PTN: variants seen among roughly 807,000 people sequenced by gnomAD.
The protein encoded by PTN is heparin affin regulatory protein.
Under a neutral mutation model 24.1 loss-of-function variants are expected in PTN, and 18 were observed. That is an observed-to-expected ratio of 0.75 (90% CI 0.52 to 1.11). PTN has a LOEUF of 1.11. PTN is among the 50% of genes least tolerant of loss of function. The pLI is 0.00. For missense variants in PTN, 163 were observed against 198.8 expected (o/e 0.82, Z 1.08); for synonymous variants, 78 against 68.6 (o/e 1.14, Z -0.67).
intron 1 of PTN, among the ~76,000 whole-genome samples, chr7:137,270,197 A>C (rs1196475004): frequency 6.6e-6 from 1 of 152,204 alleles, no homozygotes; most frequent in Non-Finnish European, 1.5e-5. Context: ...GGAAGTACAG[A>C]ATGTCATGAA....
At chr7:137,251,705 C>T (rs1808830702) in intron 3 of PTN, among the ~76,000 whole-genome samples, 1 of 150,762 alleles carries the variant, frequency 6.6e-6, no homozygotes, top group South Asian at 2.1e-4. Flanking sequence ...TCCCCACCTC[C>T]TTAATCCCCG....
At chr7:137,259,409 T>C (rs1352117729) in intron 1 of PTN, among the ~76,000 whole-genome samples, 1 of 152,184 alleles carries the variant, frequency 6.6e-6, no homozygotes, top group East Asian at 1.9e-4. Flanking sequence ...TTTTTGAGTG[T>C]CCTTGAACAA....
intron 4 of PTN, among the ~76,000 whole-genome samples, chr7:137,229,514 C>T (rs527571025): frequency 2.0e-5 from 3 of 151,898 alleles, no homozygotes; most frequent in African/African-American, 7.2e-5. Flanking sequence ...TTCATGACCT[C>T]TTCAAGTAGG....
At chr7:137,252,046 T>C (rs1808836550) in intron 3 of PTN, among the ~76,000 whole-genome samples, 1 of 151,910 alleles carries the variant, frequency 6.6e-6, no homozygotes, top group South Asian at 2.1e-4. Flanking sequence ...CTGAGATAAA[T>C]TACCAAGAAA....
intron 1 of PTN, among the ~76,000 whole-genome samples, chr7:137,261,083 CT>C (rs1321255588): frequency 5.9e-5 from 9 of 151,594 alleles, no homozygotes; most frequent in Admixed American, 2.6e-4. Flanking sequence ...ATCACTTTTT[CT>C]TTTTTTAATG....
At chr7:137,337,998 T>C (rs1810476498) in intron 1 of PTN, among the ~76,000 whole-genome samples, 1 of 152,086 alleles carries the variant, frequency 6.6e-6, no homozygotes, top group African/African-American at 2.4e-5. Context: ...CTTAATAGGG[T>C]GCACAGGTTG....
intron 4 of PTN, among the ~76,000 whole-genome samples, chr7:137,233,223 A>C (rs1808459862): frequency 6.6e-6 from 1 of 151,962 alleles, no homozygotes; most frequent in South Asian, 2.1e-4. Context: ...AAGTTTTGTT[A>C]GAATCATACT....
At chr7:137,308,781 A>G (rs139930848) in intron 1 of PTN, among the ~76,000 whole-genome samples, 144 of 152,196 alleles carry the variant, frequency 9.5e-4, no homozygotes, top group Middle Eastern at 3.4e-3. Context: ...TATTCTAGGG[A>G]TTGTAAATAT....
At chr7:137,271,936 G>A (rs1809282246) in intron 1 of PTN, among the ~76,000 whole-genome samples, 1 of 152,170 alleles carries the variant, frequency 6.6e-6, no homozygotes, top group Non-Finnish European at 1.5e-5. Context: ...CACAGTTCCT[G>A]GCACACAGCA....
At chr7:137,328,214 C>T (rs1810293724) in intron 1 of PTN, among the ~76,000 whole-genome samples, 1 of 152,148 alleles carries the variant, frequency 6.6e-6, no homozygotes. Flanking sequence ...TTTACCCTAG[C>T]TCTTGTAATC....
intron 1 of PTN, among the ~76,000 whole-genome samples, chr7:137,337,679 A>G (rs1163821437): frequency 6.6e-6 from 1 of 152,232 alleles, no homozygotes; most frequent in African/African-American, 2.4e-5. Flanking sequence ...TTAGGAAGAC[A>G]CTGTAGAGAA....
At chr7:137,249,183 C>T (rs1278334600) in intron 4 of PTN, among the ~76,000 whole-genome samples, 1 of 152,080 alleles carries the variant, frequency 6.6e-6, no homozygotes, top group African/African-American at 2.4e-5. Flanking sequence ...CCCAGCCCCA[C>T]CATCTTCCAC....
intron 1 of PTN, among the ~76,000 whole-genome samples, chr7:137,262,623 A>G (rs1277615635): frequency 6.6e-6 from 1 of 152,076 alleles, no homozygotes; most frequent in Non-Finnish European, 1.5e-5. Context: ...CGAGCTCCTC[A>G]GGTGCTCAAC....
chr7:137,329,952 T>C (rs955855994), intron 1 of PTN, among the ~76,000 whole-genome samples: 1 of 152,152 alleles, frequency 6.6e-6, no homozygotes, highest in African/African-American at 2.4e-5. Flanking sequence ...AATGCAAGAT[T>C]AGCAATTCAA....
At chr7:137,290,165 T>C (rs898894270) in intron 1 of PTN, among the ~76,000 whole-genome samples, 26 of 152,094 alleles carry the variant, frequency 1.7e-4, no homozygotes, top group African/African-American at 5.8e-4. Flanking sequence ...AACTGTCAGA[T>C]CTCAGGCTTA....
At chr7:137,333,468 A>T (rs2128883040) in intron 1 of PTN, among the ~76,000 whole-genome samples, 1 of 152,298 alleles carries the variant, frequency 6.6e-6, no homozygotes, top group African/African-American at 2.4e-5. Context: ...ACTCTGAAGC[A>T]AAAAGCCCTG....
At chr7:137,267,609 TA>T (rs982276466) in intron 1 of PTN, among the ~76,000 whole-genome samples, 4 of 152,138 alleles carry the variant, frequency 2.6e-5, no homozygotes, top group African/African-American at 9.7e-5. Context: ...TAATCTCCCT[TA>T]AATTCTTTCT....
intron 1 of PTN, among the ~76,000 whole-genome samples, chr7:137,265,107 T>C (rs555579593): frequency 6.6e-6 from 1 of 152,304 alleles, no homozygotes; most frequent in South Asian, 2.1e-4. Flanking sequence ...TAGATGTAGT[T>C]TATCTAATTT....
At chr7:137,307,483 C>A (rs1809908340) in intron 1 of PTN, among the ~76,000 whole-genome samples, 1 of 152,114 alleles carries the variant, frequency 6.6e-6, no homozygotes, top group Admixed American at 6.6e-5. Flanking sequence ...GAAGAGCTGG[C>A]TTAGTCACGC....
Sources: gnomAD v4.1 joint callset for allele counts (sites outside exome capture counted in the v4.1 genomes callset) on GRCh38, gnomAD v4.1.1 for gene constraint, MANE v1.5 for transcripts, NCBI Gene and HGNC (gene_info 2026-07-23, HGNC 2026-07-21) for gene names.